Variants in LINC00632 observed in about 807,000 individuals in gnomAD.
LINC00632 encodes the protein ALDOA related specific transcript.
intron 3 of LINC00632, among the ~76,000 whole-genome samples, chrX:140,738,547 A>G (rs1015906353): frequency 1.8e-5 from 2 of 112,104 alleles, no homozygotes; most frequent in African/African-American, 6.5e-5. Flanking sequence ...TGATAAATAC[A>G]TATTTTGACT....
In LINC00632 at chrX:140,759,285, TTTCTTTCCTTCCTTCC is replaced by T. The variant is rs1219501713; in HGVS notation, n.192-12789_192-12774del. Among the ~76,000 whole-genome samples the T allele has an allele frequency of 5.0e-3, 467 of 93,899 alleles. 3 individuals are homozygous for T. Among genetic ancestry groups the T allele is most frequent in the African/African-American group, 0.016 (379 of 23,976 alleles). 81.5% of individuals were successfully genotyped at this position (93,899 alleles called of 115,157 possible). ...CATCACCCCAGGCCTCTTTTCTTTC[TTTCTTTCCTTCCTTCC>T]TTCCTTCCTTCCTTCCTTCCTTCCT... On this transcript the variant is annotated intron_variant and non_coding_transcript_variant, in intron 3 of 4. Transcript: ENST00000648200.
At chrX:140,759,289 TTTCCTTCC>T (rs796485491) in intron 3 of LINC00632, among the ~76,000 whole-genome samples, 8,446 of 79,277 alleles carry the variant, frequency 0.11, 526 homozygotes, top group South Asian at 0.13. Context: ...TCTTTCTTTC[TTTCCTTCC>T]TTCCTTCCTT....
intron 3 of LINC00632, among the ~76,000 whole-genome samples, chrX:140,754,334 A>T (rs979384289): frequency 6.4e-5 from 7 of 109,566 alleles, no homozygotes; most frequent in African/African-American, 2.0e-4. Flanking sequence ...GTGTAATCAT[A>T]AAAAAAAAGA....
At chrX:140,710,370 AGT>A (rs1930489098) in intron 1 of LINC00632, among the ~76,000 whole-genome samples, 1 of 112,203 alleles carries the variant, frequency 8.9e-6, no homozygotes, top group Non-Finnish European at 1.9e-5. Context: ...GAGATATGAA[AGT>A]GTATTCAATG....
chrX:140,773,071 C>T (rs1459349482), exon 4 of LINC00632, among the ~76,000 whole-genome samples: 1 of 111,486 alleles, frequency 9.0e-6, no homozygotes, highest in African/African-American at 3.3e-5. Flanking sequence ...GAGGCTGAGG[C>T]AGGAGAATCG....
At chrX:140,769,431 A>G (rs1007817703) in intron 3 of LINC00632, among the ~76,000 whole-genome samples, 1 of 110,491 alleles carries the variant, frequency 9.1e-6, no homozygotes, top group Non-Finnish European at 1.9e-5. Flanking sequence ...CTAAAATCCC[A>G]TTTGATTTCC....
chrX:140,722,193 C>T (rs1006736629), intron 2 of LINC00632, among the ~76,000 whole-genome samples: 1 of 110,738 alleles, frequency 9.0e-6, no homozygotes, highest in Non-Finnish European at 1.9e-5. Context: ...TAACACAGGA[C>T]CTAGACTGGC....
exon 5 of LINC00632, among the ~76,000 whole-genome samples, chrX:140,788,080 A>T (rs932694746): frequency 9.1e-6 from 1 of 110,229 alleles, no homozygotes; most frequent in African/African-American, 3.3e-5. Flanking sequence ...AAAACAGGTA[A>T]AACTAAGCAC....
intron 3 of LINC00632, among the ~76,000 whole-genome samples, chrX:140,736,798 C>G (rs1352286185): frequency 9.1e-6 from 1 of 109,931 alleles, no homozygotes; most frequent in Non-Finnish European, 1.9e-5. Flanking sequence ...AAATATAAAA[C>G]TAGCATATCA....
chrX:140,764,488 C>T (rs918490913), intron 3 of LINC00632: 1 of 112,235 alleles, frequency 8.9e-6, no homozygotes, highest in Non-Finnish European at 1.9e-5. Flanking sequence ...GGGGCGACCC[C>T]GCCCAGTGCA....
At chrX:140,723,795 T>TACAC (rs376897099) in intron 2 of LINC00632, among the ~76,000 whole-genome samples, 1 of 8,702 alleles carries the variant, frequency 1.1e-4, no homozygotes, top group Non-Finnish European at 3.2e-4. Context: ...CACACATACA[T>TACAC]ACACACACAC....
At chrX:140,744,567 T>TTTGG (rs1556024293) in intron 3 of LINC00632, among the ~76,000 whole-genome samples, 4 of 18,223 alleles carry the variant, frequency 2.2e-4, no homozygotes, top group African/African-American at 5.7e-4. Flanking sequence ...AGCTTTTTTT[T>TTTGG]GGGGGGGGGG....
intron 2 of LINC00632, among the ~76,000 whole-genome samples, chrX:140,732,065 G>T (rs908639565): frequency 9.0e-6 from 1 of 110,918 alleles, no homozygotes; most frequent in Non-Finnish European, 1.9e-5. Flanking sequence ...TTAGCTGGGC[G>T]TGGTGGCAGG....
At chrX:140,780,058 A>G in exon 5 of LINC00632, among the ~76,000 whole-genome samples, 1 of 111,889 alleles carries the variant, frequency 8.9e-6, no homozygotes, top group East Asian at 2.8e-4. Context: ...CTGTGGGCAT[A>G]TTTCTTAACC....
chrX:140,747,354 C>T (rs929389443), intron 3 of LINC00632, among the ~76,000 whole-genome samples: 1 of 109,952 alleles, frequency 9.1e-6, no homozygotes, highest in Non-Finnish European at 1.9e-5. Context: ...ATGGTGAAAC[C>T]CTGTCTCTAC....
exon 5 of LINC00632, among the ~76,000 whole-genome samples, chrX:140,778,122 C>G (rs890131611): frequency 8.9e-6 from 1 of 112,422 alleles, no homozygotes; most frequent in African/African-American, 3.2e-5. Context: ...AAATAATGCA[C>G]AGATATTGTG....
exon 5 of LINC00632, among the ~76,000 whole-genome samples, chrX:140,777,482 C>T (rs1237575190): frequency 8.9e-6 from 1 of 112,307 alleles, no homozygotes; most frequent in Non-Finnish European, 1.9e-5. Context: ...TCAACACTGA[C>T]TGTGTATCAG....
At chrX:140,714,493 T>C (rs1447173494) in intron 2 of LINC00632, 1 of 111,877 alleles carries the variant, frequency 8.9e-6, no homozygotes, top group East Asian at 2.8e-4. Context: ...AGTGCACAAA[T>C]TCATGTCACA....
At chrX:140,747,385 G>T (rs951296728) in intron 3 of LINC00632, among the ~76,000 whole-genome samples, 1 of 110,060 alleles carries the variant, frequency 9.1e-6, no homozygotes, top group African/African-American at 3.3e-5. Flanking sequence ...AAAATTAGCC[G>T]GGCATGGTGG....
Sources: allele counts gnomAD v4.1 joint callset (sites outside exome capture counted in the v4.1 genomes callset), GRCh38; gene constraint gnomAD v4.1.1; transcripts MANE v1.5; gene names NCBI Gene and HGNC (gene_info 2026-07-23, HGNC 2026-07-21).